The following SLC35F3 variants were observed in gnomAD, a reference collection of about 807,000 sequenced individuals.
SLC35F3 encodes solute carrier family 35 member F3.
In SLC35F3, 25 loss-of-function variants were observed where a neutral mutation model predicts 49.9. The ratio of observed to expected loss-of-function variants is 0.50; its 90% confidence interval spans 0.37 to 0.70. The LOEUF is 0.70. SLC35F3 is among the 30% of genes least tolerant of loss of function. SLC35F3 has a pLI of 0.00. For missense variants in SLC35F3, 525 were observed against 639.8 expected (o/e 0.82, Z 1.94); for synonymous variants, 275 against 265.4 (o/e 1.04, Z -0.35).
chr1:233,935,940 C>T (rs769396219), intron 2 of SLC35F3, among the ~76,000 whole-genome samples: 2 of 152,184 alleles, frequency 1.3e-5, no homozygotes, highest in Non-Finnish European at 2.9e-5. Context: ...GAGTGCTTGG[C>T]ACTTGAATTC....
intron 2 of SLC35F3, among the ~76,000 whole-genome samples, chr1:234,039,844 C>T (rs1262408465): frequency 2.0e-5 from 3 of 152,172 alleles, no homozygotes; most frequent in Non-Finnish European, 4.4e-5. Flanking sequence ...TGCCTGCAAC[C>T]CCAAGGCCCC....
At chr1:234,059,270 T>TA (rs1664502512) in intron 2 of SLC35F3, among the ~76,000 whole-genome samples, 1 of 152,142 alleles carries the variant, frequency 6.6e-6, no homozygotes. Context: ...TCTGATTTGA[T>TA]ATGTGTCTTC....
intron 2 of SLC35F3, among the ~76,000 whole-genome samples, chr1:234,055,966 G>T (rs1167936584): frequency 6.6e-6 from 1 of 152,138 alleles, no homozygotes; most frequent in Non-Finnish European, 1.5e-5. Flanking sequence ...AAAACTTACT[G>T]AACTCTTGGA....
At chr1:234,265,426 C>A (rs191077442) in intron 3 of SLC35F3, among the ~76,000 whole-genome samples, 1 of 151,992 alleles carries the variant, frequency 6.6e-6, no homozygotes, top group African/African-American at 2.4e-5. Flanking sequence ...TCCCGCCTCA[C>A]CCTCCCTGAA....
chr1:234,061,061 G>A (rs143739100), intron 2 of SLC35F3, among the ~76,000 whole-genome samples: 39 of 152,186 alleles, frequency 2.6e-4, no homozygotes, highest in Admixed American at 4.6e-4. Flanking sequence ...CTTTTTGTGT[G>A]CATGTATTTT....
intron 2 of SLC35F3, among the ~76,000 whole-genome samples, chr1:234,107,912 A>G (rs879890523): frequency 2.6e-5 from 4 of 152,014 alleles, no homozygotes; most frequent in African/African-American, 7.2e-5. Flanking sequence ...TTTTCCCTCT[A>G]TGTATTATTT....
chr1:234,318,943 A>G lies in SLC35F3; in HGVS notation c.1147A>G (p.Thr383Ala). 1 of 1,613,288 alleles carries G rather than the reference A, an allele frequency of 6.2e-7. No homozygotes were observed. The highest frequency in any genetic ancestry group is 8.5e-7 in the Non-Finnish European group (1 of 1,179,550). ...TTGTGGATTTTCAGTTCTTTTATTG[A>G]GTAAGTGCTAATCACCTGTCCAGAA... ...NLCGFSVLLL[T>A]FNIVLNFGIA... The change falls in exon 6 of 8, where the codon ACA (threonine) becomes GCA (alanine). Residue 383 changes from threonine to alanine, a missense_variant and splice_region_variant. Around this residue, in one of 4 missense-constraint regions of SLC35F3, gnomAD observed 216 missense variants for 298.1 expected, o/e 0.72. Transcript: ENST00000366618.
At chr1:234,020,193 G>A (rs1311267822) in intron 2 of SLC35F3, among the ~76,000 whole-genome samples, 1 of 152,020 alleles carries the variant, frequency 6.6e-6, no homozygotes, top group African/African-American at 2.4e-5. Context: ...TTATATTGGG[G>A]TTATTTCATT....
rs531477648 is a variant in SLC35F3 at position 234,231,245 on chromosome 1, C to G, written c.284-172C>G. On this transcript the variant is annotated intron_variant, in intron 2 of 7. Coordinates refer to ENST00000366618, the MANE Select transcript of SLC35F3 (RefSeq NM_173508.4). The surrounding 1 kb of genome is among the most constrained non-coding windows in gnomAD (Gnocchi z 5.4). ...TGGAGGACAGGAAAACCAGTGCAAACGTTTTCTATTGCAGCTTGCTGTCAC... is the reference window on the plus strand; with the variant it reads ...TGGAGGACAGGAAAACCAGTGCAAAGGTTTTCTATTGCAGCTTGCTGTCAC... Among the ~76,000 whole-genome samples the G allele has an allele frequency of 8.5e-5, 13 of 152,206 alleles. No homozygotes were observed. The highest frequency in any genetic ancestry group is 1.6e-4 in the Non-Finnish European group (11 of 68,040).
At chr1:234,271,196 G>A (rs577041029) in intron 3 of SLC35F3, among the ~76,000 whole-genome samples, 10 of 152,276 alleles carry the variant, frequency 6.6e-5, no homozygotes, top group Admixed American at 5.9e-4. Flanking sequence ...TGAGTCAGTC[G>A]AGTCCATTCG....
rs1449259798 is a variant in SLC35F3, at chr1:234,046,819, C to T, written c.283+141061C>T. On this transcript the variant is annotated intron_variant, in intron 2 of 7. Coordinates refer to ENST00000366618, the MANE Select transcript of SLC35F3 (RefSeq NM_173508.4). The surrounding 1 kb of genome is among the most constrained non-coding windows in gnomAD (Gnocchi z 4.4). ...GTACATCTCTAATTCTAGTTTTTTT[C>T]GGTATTAAGTAATCTCATTAACTGC... 1.3e-5 allele frequency among the ~76,000 whole-genome samples: 2 copies of T among 152,036 alleles called. No individual in the cohort carries two copies. Among genetic ancestry groups the T allele is most frequent in the East Asian group, 1.9e-4 (1 of 5,194 alleles).
intron 2 of SLC35F3, among the ~76,000 whole-genome samples, chr1:234,146,328 T>C (rs76773849): frequency 0.061 from 9,336 of 152,130 alleles, 444 homozygotes; most frequent in African/African-American, 0.12. Context: ...TATTTTAGCA[T>C]GTTCTGACAT....
At chr1:234,152,725 T>C (rs918695987) in intron 2 of SLC35F3, among the ~76,000 whole-genome samples, 1 of 152,190 alleles carries the variant, frequency 6.6e-6, no homozygotes, top group Non-Finnish European at 1.5e-5. Flanking sequence ...TGATTTATAA[T>C]CCTTTGGGTA....
chr1:233,977,434 C>G (rs1663109328), intron 2 of SLC35F3, among the ~76,000 whole-genome samples: 1 of 152,172 alleles, frequency 6.6e-6, no homozygotes, highest in Non-Finnish European at 1.5e-5. Flanking sequence ...GAGTTCAGCT[C>G]TCTCACCTCC....
chr1:233,905,491 C>T, intron 1 of SLC35F3, 38 bp from the exon 2 acceptor site: 1 of 1,488,264 alleles, frequency 6.7e-7, no homozygotes, highest in East Asian at 2.4e-5. Context: ...CCATGCTCCC[C>T]CTGCCCACCC....
intron 2 of SLC35F3, among the ~76,000 whole-genome samples, chr1:234,000,614 G>GT (rs1314424264): frequency 6.6e-6 from 1 of 152,202 alleles, no homozygotes; most frequent in Non-Finnish European, 1.5e-5. Flanking sequence ...CAATTGTTGA[G>GT]TGCCCCTCTG....
intron 3 of SLC35F3, among the ~76,000 whole-genome samples, chr1:234,268,056 G>C (rs373339130): frequency 4.6e-5 from 7 of 151,832 alleles, no homozygotes; most frequent in Non-Finnish European, 8.8e-5. Flanking sequence ...ACGGGGTGGC[G>C]GCCGGGCAGA....
At chr1:234,136,403 G>T (rs948712825) in intron 2 of SLC35F3, among the ~76,000 whole-genome samples, 13 of 148,670 alleles carry the variant, frequency 8.7e-5, no homozygotes, top group Non-Finnish European at 1.6e-4. Context: ...TAGAGACAGG[G>T]TCTCACTATG....
intron 2 of SLC35F3, among the ~76,000 whole-genome samples, chr1:233,984,792 G>T (rs1046327459): frequency 2.0e-5 from 3 of 152,156 alleles, no homozygotes; most frequent in African/African-American, 7.2e-5. Flanking sequence ...TTTGGTGGGG[G>T]TCTAGGATTC....
Sources: allele counts gnomAD v4.1 joint callset (sites outside exome capture counted in the v4.1 genomes callset), GRCh38; gene constraint gnomAD v4.1.1; regional missense constraint gnomAD v4.1.1; non-coding constraint Gnocchi (gnomAD v3.1); transcripts MANE v1.5; gene names NCBI Gene and HGNC (gene_info 2026-07-23, HGNC 2026-07-21).